LARGE1: variants seen among roughly 807,000 people sequenced by gnomAD.
The protein encoded by LARGE1 is LARGE xylosyl- and glucuronyltransferase 1, also known as xylosyl- and glucuronyltransferase LARGE1.
LARGE1 carries 43 observed loss-of-function variants against 87.6 expected under a neutral mutation model. That is an observed-to-expected ratio of 0.49 (90% confidence interval 0.38 to 0.63). The LOEUF (loss-of-function observed/expected upper bound fraction) is 0.63. Among genes scored for constraint, LARGE1 ranks in the 30% least tolerant of loss-of-function variants. The pLI, the probability that LARGE1 is intolerant of heterozygous loss-of-function variation, is 0.00. For synonymous variants in LARGE1, 434 were observed against 394.6 expected (o/e 1.10, Z -1.18); for missense variants, 802 against 1,000.2 (o/e 0.80, Z 2.67).
intron 3 of LARGE1, among the ~76,000 whole-genome samples, chr22:33,633,498 A>G (rs1189914068): frequency 1.3e-5 from 2 of 152,188 alleles, no homozygotes; most frequent in Non-Finnish European, 2.9e-5. Flanking sequence ...TATGGGGAAA[A>G]AAATCATTGT....
At chr22:33,166,685 G>A (rs188822270) in exon 12 of LARGE1, 8 of 466,616 alleles carry the variant, frequency 1.7e-5, no homozygotes, top group African/African-American at 6.0e-5. Context: ...ACGTTGAGCC[G>A]TTCCAACATG....
chr22:33,220,161 G>T (rs1925389137), intron 11 of LARGE1, among the ~76,000 whole-genome samples: 1 of 152,130 alleles, frequency 6.6e-6, no homozygotes, highest in Admixed American at 6.5e-5. Flanking sequence ...ACAAAGAAAG[G>T]TCACCTTTGG....
intron 10 of LARGE1, among the ~76,000 whole-genome samples, chr22:33,325,411 G>A (rs116966554): frequency 1.6e-4 from 24 of 152,178 alleles, no homozygotes; most frequent in Non-Finnish European, 2.6e-4. Context: ...AATTTTATTC[G>A]CCTTCTTTTC....
chr22:33,342,323 T>C (rs914603742), intron 9 of LARGE1, among the ~76,000 whole-genome samples: 1 of 152,194 alleles, frequency 6.6e-6, no homozygotes, highest in African/African-American at 2.4e-5. Flanking sequence ...AAAGAAGGGC[T>C]GGCCTATGGA....
intron 7 of LARGE1, among the ~76,000 whole-genome samples, chr22:33,413,169 C>T (rs1281912174): frequency 1.3e-5 from 2 of 152,096 alleles, no homozygotes; most frequent in East Asian, 3.9e-4. Flanking sequence ...TATCCTTTGG[C>T]AGTAATCTAG....
At chr22:33,709,278 A>T (rs1425427400) in intron 2 of LARGE1, among the ~76,000 whole-genome samples, 2 of 152,168 alleles carry the variant, frequency 1.3e-5, no homozygotes, top group Admixed American at 6.5e-5. Flanking sequence ...CAGACCTCCA[A>T]GACCCTGAAA....
At chr22:33,281,482 T>C (rs543525408) in intron 13 of LARGE1, among the ~76,000 whole-genome samples, 1 of 152,332 alleles carries the variant, frequency 6.6e-6, no homozygotes, top group South Asian at 2.1e-4. Flanking sequence ...ATCCAGGCTC[T>C]GCTATTTACT....
At chr22:33,614,910 G>A (rs963552228) in intron 4 of LARGE1, among the ~76,000 whole-genome samples, 2 of 152,152 alleles carry the variant, frequency 1.3e-5, no homozygotes, top group African/African-American at 4.8e-5. Context: ...CAGTTCCAGG[G>A]TTGAGCATGC....
chr22:33,360,668 A>C (rs1180470608), intron 9 of LARGE1, among the ~76,000 whole-genome samples: 1 of 149,660 alleles, frequency 6.7e-6, no homozygotes, highest in Admixed American at 6.6e-5. Flanking sequence ...TTACACTTCA[A>C]CATGAGATTT....
In LARGE1 at chr22:33,445,351, T is replaced by C. The variant is rs111854624; in HGVS notation, c.788-13086A>G. Among the ~76,000 whole-genome samples the C allele has an allele frequency of 1.2e-4, 19 of 152,268 alleles. 1 individual carries two copies. Among genetic ancestry groups the C allele is most frequent in the African/African-American group, 4.3e-4 (18 of 41,552 alleles). ...AGTCACACCAACAATTGTGGAACTG[T>C]GACTCAGAAATGGCTGAGATAGAGA... On this transcript the variant is annotated intron_variant, in intron 6 of 14. Transcript: ENST00000397394.
At chr22:33,159,583 A>AATT (rs1569443099), downstream of LARGE1, among the ~76,000 whole-genome samples, 1 of 143,524 alleles carries the variant, frequency 7.0e-6, no homozygotes, top group Non-Finnish European at 1.5e-5. Flanking sequence ...ATCAATTTAA[A>AATT]TTTTTTTTTT....
In LARGE1 at chr22:33,614,634, C is replaced by T. The variant is rs528239626; in HGVS notation, c.492-10076G>A. 2.6e-5 allele frequency among the ~76,000 whole-genome samples: 4 copies of T among 152,216 alleles called. No individual in the cohort carries two copies. The South Asian group carries it at 8.3e-4, about 32-fold the overall frequency. ...CCTCCTGCAGGAATAAAGTCAACAG[C>T]CACATTCCCGGGGAAACCTTCCACA... On this transcript the variant is annotated intron_variant, in intron 4 of 14. Coordinates refer to ENST00000397394, the MANE Select transcript of LARGE1 (RefSeq NM_133642.5).
chr22:33,721,153 G>C (rs2267272), intron 2 of LARGE1, among the ~76,000 whole-genome samples: 36,598 of 152,062 alleles, frequency 0.24, 5,462 homozygotes, highest in Admixed American at 0.4. Context: ...ACAATATTTA[G>C]TGAGGCTACC....
intron 2 of LARGE1, among the ~76,000 whole-genome samples, chr22:33,693,868 A>T (rs2082169952): frequency 6.6e-6 from 1 of 151,924 alleles, no homozygotes; most frequent in South Asian, 2.1e-4. Flanking sequence ...AGAAAAGAAA[A>T]CCTCAACCCA....
At chr22:33,752,746 G>C (rs1171719270) in intron 2 of LARGE1, among the ~76,000 whole-genome samples, 17 of 152,208 alleles carry the variant, frequency 1.1e-4, no homozygotes, top group Admixed American at 1.1e-3. Flanking sequence ...GTGGGAGCAT[G>C]GGACTGTGGG....
chr22:33,130,102 C>T, the LARGE1 span, among the ~76,000 whole-genome samples: 4 of 152,026 alleles, frequency 2.6e-5, no homozygotes, highest in Non-Finnish European at 5.9e-5. Flanking sequence ...ATCACAAGGT[C>T]AGGAGATCGA....
intron 4 of LARGE1, among the ~76,000 whole-genome samples, chr22:33,610,622 A>G (rs145750002): frequency 1.5e-3 from 236 of 152,312 alleles, no homozygotes; most frequent in African/African-American, 5.3e-3. Flanking sequence ...AAAGAAAGAA[A>G]AGGCTTTATA....
chr22:33,846,553 C>T (rs1380988961), intron 1 of LARGE1, among the ~76,000 whole-genome samples: 1 of 152,196 alleles, frequency 6.6e-6, no homozygotes, highest in African/African-American at 2.4e-5. Context: ...GAGAGATAAC[C>T]TTAAACTCTG....
Position 33,166,212 on chromosome 22 carries a change from C to G in LARGE1, c.*551G>C, listed in dbSNP as rs189541011. 286 of 152,576 alleles carry G rather than the reference C, an allele frequency of 1.9e-3. 3 individuals are homozygous for G. The highest frequency in any genetic ancestry group is 9.2e-4 in the Non-Finnish European group (63 of 68,206). The allele number at this position is 152,576 out of a possible 1,614,324, so 9.5% of individuals were successfully genotyped here. On this transcript the variant is annotated 3_prime_UTR_variant, in exon 12 of 12. Coordinates refer to the LARGE1 transcript ENST00000608642. ...ACGCCATCCAGGATACCTAGGGCCA[C>G]CTGGAACTCCAGGAGACATTGAGAA... is the stretch of plus-strand genomic sequence containing the variant.
Sources: allele counts gnomAD v4.1 joint callset (sites outside exome capture counted in the v4.1 genomes callset), GRCh38; gene constraint gnomAD v4.1.1; transcripts MANE v1.5; gene names NCBI Gene and HGNC (gene_info 2026-07-23, HGNC 2026-07-21).